Variants in GRM7 observed in about 807,000 individuals in gnomAD.
The protein encoded by GRM7 is metabotropic glutamate receptor 7.
In GRM7, 35 loss-of-function variants were observed where a neutral mutation model predicts 84.5. That is an observed-to-expected ratio of 0.41 (90% CI 0.32 to 0.55). GRM7 has a LOEUF of 0.55. Among genes scored for constraint, GRM7 ranks in the 20% least tolerant of loss-of-function variants. The pLI is 0.19. For missense variants in GRM7, 1,003 were observed against 1,194.6 expected (o/e 0.84, Z 2.36); for synonymous variants, 487 against 455.1 (o/e 1.07, Z -0.89).
At chr3:7,429,049 A>G (rs1226072842) in intron 5 of GRM7, among the ~76,000 whole-genome samples, 6 of 152,192 alleles carry the variant, frequency 3.9e-5, no homozygotes, top group Admixed American at 3.9e-4. Flanking sequence ...GTAGTAAAGA[A>G]CAAAGACTTG....
Position 6,862,917 on chromosome 3 carries a change from G to A in GRM7, c.519+1010G>A, listed in dbSNP as rs1004012874. The stretch of plus-strand genomic sequence containing the variant: ...AAAAATGGGAGGAAGGCGGATCCGG[G>A]GCCGCTGAGCGGTGGGTTCTGCCGC... On this transcript the variant is annotated intron_variant, in intron 1 of 9. Coordinates refer to ENST00000357716, the MANE Select transcript of GRM7 (RefSeq NM_000844.4). The surrounding 1 kb of genome is among the most constrained non-coding windows in gnomAD (Gnocchi z 5.2). The A allele has an allele frequency of 4.6e-6, 2 of 431,948 alleles. No individual in the cohort carries two copies. The highest frequency in any genetic ancestry group is 1.6e-5 in the South Asian group (1 of 61,126). 26.8% of individuals were successfully genotyped at this position (431,948 alleles called of 1,614,324 possible).
intron 2 of GRM7, among the ~76,000 whole-genome samples, chr3:7,215,582 G>A (rs931213215): frequency 5.3e-5 from 8 of 151,888 alleles, no homozygotes; most frequent in South Asian, 2.1e-4. Flanking sequence ...GAAGAATGGC[G>A]TGAACCCGGG....
chr3:7,105,273 A>G (rs1479336655), intron 1 of GRM7, among the ~76,000 whole-genome samples: 1 of 151,800 alleles, frequency 6.6e-6, no homozygotes, highest in Admixed American at 6.6e-5. Context: ...AATCCAGCAA[A>G]TGTGTTCCAG....
At chr3:7,604,802 A>AT (rs1295988555) in intron 8 of GRM7, among the ~76,000 whole-genome samples, 2 of 152,204 alleles carry the variant, frequency 1.3e-5, no homozygotes, top group African/African-American at 4.8e-5. Context: ...GAGTTTCTGA[A>AT]TTGAAGGTAG....
intron 8 of GRM7, among the ~76,000 whole-genome samples, chr3:7,651,731 GATAACAGAGTCCCATCCCTC>G (rs1698948759): frequency 1.3e-5 from 2 of 152,222 alleles, no homozygotes; most frequent in African/African-American, 4.8e-5. Context: ...GGGGTTTTGA[GATAACAGAGTCCCATCCCTC>G]ATTTTGCAGA....
intron 9 of GRM7, among the ~76,000 whole-genome samples, chr3:7,728,122 T>C (rs1702194593): frequency 6.6e-6 from 1 of 152,142 alleles, no homozygotes; most frequent in Non-Finnish European, 1.5e-5. Flanking sequence ...GGCACACACG[T>C]ACCCTTCTCA....
chr3:7,019,988 A>G (rs1695718769), intron 1 of GRM7, among the ~76,000 whole-genome samples: 1 of 152,114 alleles, frequency 6.6e-6, no homozygotes, highest in Admixed American at 6.6e-5. Context: ...CTGTTCATCA[A>G]GCTACAGGCA....
chr3:7,106,998 A>G (rs1299187261), intron 1 of GRM7, among the ~76,000 whole-genome samples: 2 of 152,170 alleles, frequency 1.3e-5, no homozygotes, highest in African/African-American at 4.8e-5. Context: ...AAAACATTGT[A>G]AGATACTGAC....
chr3:6,979,242 C>G lies in GRM7; in HGVS notation c.519+117335C>G, dbSNP rs1279961959. Among the ~76,000 whole-genome samples the G allele has an allele frequency of 2.6e-5, 4 of 152,114 alleles. No individual in the cohort carries two copies. The South Asian group carries it at 8.3e-4, about 32-fold the overall frequency. ...ATTAACAAGGGAGTGATTTCTACAGCAGGGTAGGTCAGCCATGATCATCTC... is the reference window on the plus strand; with the variant it reads ...ATTAACAAGGGAGTGATTTCTACAGGAGGGTAGGTCAGCCATGATCATCTC... On this transcript the variant is annotated intron_variant, in intron 1 of 9. Transcript: ENST00000357716.
chr3:7,013,460 T>C (rs1315866238), intron 1 of GRM7, among the ~76,000 whole-genome samples: 1 of 152,216 alleles, frequency 6.6e-6, no homozygotes, highest in Admixed American at 6.5e-5. Context: ...TTTCTCTAAA[T>C]GTCGGAGGCT....
intron 4 of GRM7, among the ~76,000 whole-genome samples, chr3:7,377,907 C>T (rs960034329): frequency 1.3e-5 from 2 of 152,082 alleles, no homozygotes; most frequent in African/African-American, 4.8e-5. Flanking sequence ...CAAAAAGATC[C>T]CTGATCTTTC....
At chr3:7,238,533 C>A (rs1575067824) in intron 2 of GRM7, among the ~76,000 whole-genome samples, 1 of 152,006 alleles carries the variant, frequency 6.6e-6, no homozygotes, top group East Asian at 1.9e-4. Context: ...CATGTACACT[C>A]CTTTAGGATG....
intron 5 of GRM7, among the ~76,000 whole-genome samples, chr3:7,418,493 C>G (rs1264962842): frequency 6.6e-6 from 1 of 152,146 alleles, no homozygotes; most frequent in Admixed American, 6.6e-5. Flanking sequence ...ATAGTCATCT[C>G]TTCTAGAGAG....
Position 7,425,487 on chromosome 3 carries a change from A to T in GRM7, c.1174+10324A>T, listed in dbSNP as rs575935623. On this transcript the variant is annotated intron_variant, in intron 5 of 9. Transcript: ENST00000357716. The stretch of plus-strand genomic sequence containing the variant: ...GTCCATTTAGGGTAGGCCAAACACA[A>T]GTCGGCAGCCTTGTTAAAGCAGATG... 5.3e-5 allele frequency among the ~76,000 whole-genome samples: 8 copies of T among 152,284 alleles called. No homozygotes were observed. The East Asian group carries it at 1.5e-3, about 29-fold the overall frequency.
intron 1 of GRM7, among the ~76,000 whole-genome samples, chr3:6,906,728 T>C (rs549965905): frequency 4.6e-5 from 7 of 152,282 alleles, no homozygotes; most frequent in African/African-American, 1.4e-4. Context: ...GTGTGTCTCA[T>C]TTATACCATA....
At chr3:7,675,899 G>A (rs895597500) in intron 8 of GRM7, among the ~76,000 whole-genome samples, 6 of 152,008 alleles carry the variant, frequency 3.9e-5, no homozygotes, top group Non-Finnish European at 7.4e-5. Context: ...TTACTTCTTC[G>A]TAATGACCAC....
intron 1 of GRM7, among the ~76,000 whole-genome samples, chr3:7,037,099 T>C (rs338080): frequency 0.41 from 61,889 of 152,052 alleles, 14,669 homozygotes; most frequent in East Asian, 0.51. Context: ...ACCTTTGGCC[T>C]TCGGTGAATT....
chr3:7,525,772 T>C (rs1700781526), intron 7 of GRM7, among the ~76,000 whole-genome samples: 1 of 152,112 alleles, frequency 6.6e-6, no homozygotes, highest in Admixed American at 6.6e-5. Context: ...GTGTATCCAA[T>C]GTTTAGCTCT....
chr3:7,451,378 G>A (rs75285384), intron 5 of GRM7, among the ~76,000 whole-genome samples: 646 of 152,266 alleles, frequency 4.2e-3, no homozygotes, highest in African/African-American at 0.014. Flanking sequence ...AATGTTTTAC[G>A]GGAATGTTGA....
Sources: gnomAD v4.1 joint callset for allele counts (sites outside exome capture counted in the v4.1 genomes callset) on GRCh38, gnomAD v4.1.1 for gene constraint, Gnocchi (gnomAD v3.1) non-coding constraint, MANE v1.5 for transcripts, NCBI Gene and HGNC (gene_info 2026-07-23, HGNC 2026-07-21) for gene names.